The following AHI1 variants were observed in gnomAD, a reference collection of about 807,000 sequenced individuals.
The protein encoded by AHI1 is jouberin.
A neutral mutation model predicts 149.3 loss-of-function variants in AHI1; 123 were observed. The ratio of observed to expected loss-of-function variants is 0.82; its 90% CI spans 0.71 to 0.96. The LOEUF (loss-of-function observed/expected upper bound fraction) is 0.96. Ranked by LOEUF, AHI1 falls within the 40% of genes least tolerant of loss-of-function variation. The pLI, the probability that AHI1 is intolerant of heterozygous loss-of-function variation, is 0.00. For missense variants in AHI1, 1,439 were observed against 1,422.7 expected, an observed-to-expected ratio of 1.01 and a Z score of -0.18; for synonymous variants, 475 against 459.8, an observed-to-expected ratio of 1.03 and a Z score of -0.42.
At chr6:135,343,672 A>C (rs1176440182) in intron 24 of AHI1, among the ~76,000 whole-genome samples, 1 of 151,286 alleles carries the variant, frequency 6.6e-6, no homozygotes, top group African/African-American at 2.4e-5. Flanking sequence ...CTAACAAAAA[A>C]CCCCCACTTT....
chr6:135,376,874 T>G (rs1241844100), intron 23 of AHI1, among the ~76,000 whole-genome samples: 44 of 78,834 alleles, frequency 5.6e-4, no homozygotes, highest in Non-Finnish European at 1.0e-4. Context: ...AGAGCGAGAC[T>G]CCATCTCAAA....
rs1433720131 is a variant in AHI1 at position 135,460,756 on chromosome 6, A to G, written c.931+2369T>C. Among the ~76,000 whole-genome samples the G allele has an allele frequency of 2.6e-5, 4 of 152,332 alleles. No individual in the cohort carries two copies. In the East Asian group the frequency reaches 7.7e-4, roughly 29 times the overall value. On this transcript the variant is annotated intron_variant, in intron 8 of 28. Coordinates refer to ENST00000265602, the MANE Select transcript of AHI1 (RefSeq NM_001134831.2). The stretch of plus-strand genomic sequence containing the variant: ...TCTAATTTAAAAGAATAGAGACTAC[A>G]AAAACTGATCCACATGTAACACAGT...
intron 10 of AHI1, 134 bp from the exon 11 acceptor site, chr6:135,453,570 T>C: frequency 1.5e-6 from 1 of 669,322 alleles, no homozygotes. Flanking sequence ...AACATTTTTA[T>C]CTCATTTCAT....
intron 8 of AHI1, among the ~76,000 whole-genome samples, chr6:135,458,272 T>C (rs1221113199): frequency 6.6e-6 from 1 of 152,158 alleles, no homozygotes; most frequent in African/African-American, 2.4e-5. Context: ...ATTCAGGGTG[T>C]GAGCTGAAGA....
chr6:135,386,618 T>C (rs71576371), intron 23 of AHI1, among the ~76,000 whole-genome samples: 2 of 151,778 alleles, frequency 1.3e-5, no homozygotes, highest in Admixed American at 1.3e-4. Flanking sequence ...CCTAGAAAAG[T>C]GTTTTTTCTT....
At chr6:135,401,804 A>G (rs1780061162) in intron 22 of AHI1, among the ~76,000 whole-genome samples, 1 of 152,202 alleles carries the variant, frequency 6.6e-6, no homozygotes, top group South Asian at 2.1e-4. Context: ...TTACAACACA[A>G]AAAGCACAAG....
chr6:135,487,354 G>C (rs1450442084), intron 5 of AHI1, among the ~76,000 whole-genome samples: 1 of 152,046 alleles, frequency 6.6e-6, no homozygotes, highest in East Asian at 1.9e-4. Context: ...CCTAAGCTAG[G>C]ATGCTTTGCT....
At chr6:135,340,848 G>A (rs1024728968) in intron 24 of AHI1, among the ~76,000 whole-genome samples, 22 of 150,920 alleles carry the variant, frequency 1.5e-4, no homozygotes, top group African/African-American at 5.1e-4. Context: ...AACTATCTTG[G>A]AGCAAAGTTT....
intron 8 of AHI1, among the ~76,000 whole-genome samples, chr6:135,458,150 G>C (rs560745010): frequency 2.0e-5 from 3 of 152,258 alleles, no homozygotes; most frequent in South Asian, 2.1e-4. Flanking sequence ...AAAGGCATCA[G>C]AAAAGTACAG....
At position 135,427,139 on chromosome 6, in the gene AHI1, T is replaced by C. The variant is rs200083227; in HGVS notation, c.2764+28A>G. On this transcript the variant is annotated intron_variant, in intron 20 of 28. Coordinates refer to ENST00000265602, the MANE Select transcript of AHI1 (RefSeq NM_001134831.2). ...CTAAATGTAAAGGTTACTCTAAAAATTCTTTACTTATCAAGTGGTAGACTT... is the reference window on the plus strand; with the variant it reads ...CTAAATGTAAAGGTTACTCTAAAAACTCTTTACTTATCAAGTGGTAGACTT... The C allele has an allele frequency of 1.3e-5, 20 of 1,599,352 alleles. No individual in the cohort carries two copies. In the Middle Eastern group the frequency reaches 1.0e-3, roughly 83 times the overall value.
intron 3 of AHI1, 45 bp from the exon 4 acceptor site, chr6:135,492,336 TA>T: frequency 6.8e-7 from 1 of 1,466,636 alleles, no homozygotes; most frequent in Non-Finnish European, 9.0e-7. Context: ...AACTTCCAAA[TA>T]AAAATTATAA....
intron 26 of AHI1, among the ~76,000 whole-genome samples, chr6:135,317,878 G>C (rs142655017): frequency 6.6e-5 from 10 of 152,298 alleles, no homozygotes; most frequent in African/African-American, 2.4e-4. Flanking sequence ...CAGTGTAAGG[G>C]AAGAGCTAAT....
intron 23 of AHI1, among the ~76,000 whole-genome samples, chr6:135,385,843 T>G (rs1243330361): frequency 6.6e-6 from 1 of 152,182 alleles, no homozygotes; most frequent in Non-Finnish European, 1.5e-5. Flanking sequence ...AAACATTGAT[T>G]GATTTAGGAA....
At chr6:135,381,341 G>T (rs984439171) in intron 23 of AHI1, among the ~76,000 whole-genome samples, 3 of 152,020 alleles carry the variant, frequency 2.0e-5, no homozygotes, top group Admixed American at 6.6e-5. Flanking sequence ...AAAGTGGCAA[G>T]TATACACAAT....
intron 24 of AHI1, among the ~76,000 whole-genome samples, chr6:135,355,600 G>A (rs1193159504): frequency 6.6e-6 from 1 of 152,014 alleles, no homozygotes; most frequent in East Asian, 1.9e-4. Context: ...TTCCAACTTG[G>A]AATGTTAAGA....
At chr6:135,416,532 T>C (rs1782410642) in intron 20 of AHI1, among the ~76,000 whole-genome samples, 1 of 151,880 alleles carries the variant, frequency 6.6e-6, no homozygotes, top group South Asian at 2.1e-4. Flanking sequence ...ATTCATTTAA[T>C]GAAAGGGAAT....
chr6:135,371,522 C>G (rs1775058904), intron 23 of AHI1, among the ~76,000 whole-genome samples: 1 of 152,112 alleles, frequency 6.6e-6, no homozygotes, highest in Non-Finnish European at 1.5e-5. Flanking sequence ...CTTGATAAAC[C>G]CTTTGACCTG....
At chr6:135,456,853 T>G (rs1789036669) in intron 9 of AHI1, among the ~76,000 whole-genome samples, 1 of 152,190 alleles carries the variant, frequency 6.6e-6, no homozygotes, top group African/African-American at 2.4e-5. Context: ...TAACATTACT[T>G]TCAAAAGAAA....
chr6:135,368,429 G>A (rs1582861076), intron 23 of AHI1, among the ~76,000 whole-genome samples: 1 of 152,118 alleles, frequency 6.6e-6, no homozygotes, highest in Admixed American at 6.5e-5. Flanking sequence ...CTTAGGTGGT[G>A]GGCAGGGCCA....
Sources: gnomAD v4.1 joint callset for allele counts (sites outside exome capture counted in the v4.1 genomes callset) on GRCh38, gnomAD v4.1.1 for gene constraint, MANE v1.5 for transcripts, NCBI Gene and HGNC (gene_info 2026-07-23, HGNC 2026-07-21) for gene names.